The following DOCK9 variants were observed in gnomAD, a reference collection of about 807,000 sequenced individuals.
DOCK9 encodes dedicator of cytokinesis protein 9.
A neutral mutation model predicts 263.3 loss-of-function variants in DOCK9; 89 were observed. The observed-to-expected ratio is 0.34, with a 90% CI of 0.28 to 0.40. The LOEUF is 0.40. DOCK9 is among the 10% of genes least tolerant of loss of function. The pLI, the probability that DOCK9 is intolerant of heterozygous loss-of-function variation, is 1.00. For missense variants in DOCK9, 2,140 were observed against 2,603.4 expected, an observed-to-expected ratio of 0.82 and a Z score of 3.87; for synonymous variants, 976 against 973.1, an observed-to-expected ratio of 1.00 and a Z score of -0.06.
chr13:99,062,590 G>A (rs754793399), intron 1 of DOCK9, among the ~76,000 whole-genome samples: 1 of 152,154 alleles, frequency 6.6e-6, no homozygotes. Context: ...AAGAATGAGG[G>A]GCACTTGTCT....
At chr13:99,004,429 A>C (rs1472405163) in intron 1 of DOCK9, among the ~76,000 whole-genome samples, 1 of 152,224 alleles carries the variant, frequency 6.6e-6, no homozygotes, top group Non-Finnish European at 1.5e-5. Context: ...CCTGTTTCTT[A>C]AGCCTAGAAA....
chr13:98,965,275 C>T (rs1018162189), intron 1 of DOCK9, among the ~76,000 whole-genome samples: 1 of 152,152 alleles, frequency 6.6e-6, no homozygotes, highest in South Asian at 2.1e-4. Context: ...GTCCCTAACT[C>T]AGGACATTAC....
Position 99,047,835 on chromosome 13 carries a change from C to T in DOCK9, c.129+38388G>A, listed in dbSNP as rs2040507930. 2.0e-5 allele frequency among the ~76,000 whole-genome samples: 3 copies of T among 152,048 alleles called. No individual in the cohort carries two copies. In the South Asian group the frequency reaches 6.2e-4, roughly 32 times the overall value. On this transcript the variant is annotated intron_variant, in intron 1 of 32. Transcript: ENST00000427887. Reference sequence around the variant, plus strand: ...ACTGCGCCTGGCCCTAATCTTGAAGCATCAGCCTCAAGCAACCACCTTTCC... The same window carrying T: ...ACTGCGCCTGGCCCTAATCTTGAAGTATCAGCCTCAAGCAACCACCTTTCC...
At chr13:99,071,786 C>T (rs962553831) in intron 1 of DOCK9, among the ~76,000 whole-genome samples, 13 of 152,056 alleles carry the variant, frequency 8.5e-5, no homozygotes, top group Admixed American at 4.6e-4. Flanking sequence ...TTTCAGTGCC[C>T]GTATCTTAAA....
chr13:98,854,257 T>C (rs2093646201), intron 34 of DOCK9, among the ~76,000 whole-genome samples: 1 of 152,032 alleles, frequency 6.6e-6, no homozygotes, highest in South Asian at 2.1e-4. Context: ...CATCATGTGA[T>C]TGCAAACACA....
At chr13:98,983,530 G>A (rs1385160462) in intron 1 of DOCK9, among the ~76,000 whole-genome samples, 3 of 152,058 alleles carry the variant, frequency 2.0e-5, no homozygotes, top group Non-Finnish European at 2.9e-5. Flanking sequence ...ACAGTTTCTC[G>A]ACCACAACCC....
chr13:98,796,256 A>G, intron 52 of DOCK9: 1 of 1,541,244 alleles, frequency 6.5e-7, no homozygotes, highest in African/African-American at 1.4e-5. Flanking sequence ...AAGTGAGTTA[A>G]AGCTCACACA....
chr13:99,012,885 G>C (rs1394482216), intron 1 of DOCK9, among the ~76,000 whole-genome samples: 1 of 151,922 alleles, frequency 6.6e-6, no homozygotes, highest in Non-Finnish European at 1.5e-5. Context: ...TTACTGTTTG[G>C]GGAAACTAAA....
chr13:98,889,465 CAA>C (rs2046293966), intron 15 of DOCK9, among the ~76,000 whole-genome samples: 1 of 152,232 alleles, frequency 6.6e-6, no homozygotes, highest in Non-Finnish European at 1.5e-5. Context: ...GTGTCCAGCA[CAA>C]TGCTGGGTTC....
At chr13:99,001,469 T>C (rs1567192602) in intron 1 of DOCK9, among the ~76,000 whole-genome samples, 1 of 152,322 alleles carries the variant, frequency 6.6e-6, no homozygotes, top group Admixed American at 6.5e-5. Flanking sequence ...ATACAAGCCC[T>C]TTGTGGCTTT....
chr13:98,900,636 C>A (rs935546156), intron 13 of DOCK9, among the ~76,000 whole-genome samples: 2 of 152,216 alleles, frequency 1.3e-5, no homozygotes, highest in African/African-American at 4.8e-5. Context: ...CTGACTCATA[C>A]ATGATCTGTT....
chr13:99,011,921 A>C (rs1349618691), intron 1 of DOCK9, among the ~76,000 whole-genome samples: 3 of 152,184 alleles, frequency 2.0e-5, no homozygotes, highest in Non-Finnish European at 2.9e-5. Flanking sequence ...TCCAGGACTC[A>C]AGTGATCCTC....
chr13:99,035,404 T>G lies in DOCK9; in HGVS notation c.129+50819A>C, dbSNP rs182391020. 1.1e-3 allele frequency among the ~76,000 whole-genome samples: 162 copies of G among 152,320 alleles called. 4 individuals are homozygous for G. In the East Asian group the frequency reaches 0.03, roughly 28 times the overall value. ...CCCAGCCAAAAACTACATTTCTCAGTCTCTCTTGCACTGAAGTGTGTCTAC... is the reference window on the plus strand; with the variant it reads ...CCCAGCCAAAAACTACATTTCTCAGGCTCTCTTGCACTGAAGTGTGTCTAC... On this transcript the variant is annotated intron_variant, in intron 1 of 32. Coordinates refer to the DOCK9 transcript ENST00000427887.
chr13:98,846,165 A>G (rs770748422), intron 37 of DOCK9, 105 bp from the exon 38 acceptor site: 29 of 1,336,020 alleles, frequency 2.2e-5, no homozygotes, highest in African/African-American at 2.9e-5. Flanking sequence ...GGAGATGGCC[A>G]TGCACTGACT....
intron 1 of DOCK9, among the ~76,000 whole-genome samples, chr13:99,022,564 G>A (rs1886245138): frequency 1.3e-5 from 2 of 152,196 alleles, no homozygotes; most frequent in Admixed American, 1.3e-4. Flanking sequence ...GGGAGGGACG[G>A]TGGGGGTCTT....
rs1293155442 is a variant in DOCK9, at chr13:98,858,357, G to GA, written c.3697+2047dup. ...TCAGAGTAGTTTTTATCCAGGCAGTGAATCACTTTTAAAACTCTCAGGCAC... is the reference window on the plus strand; with the variant it reads ...TCAGAGTAGTTTTTATCCAGGCAGTGAAATCACTTTTAAAACTCTCAGGCAC... On this transcript the variant is annotated intron_variant, in intron 33 of 52. Transcript: ENST00000682017. 2.0e-5 allele frequency: 3 copies of GA among 152,282 alleles called. No individual in the cohort carries two copies. In the East Asian group the frequency reaches 5.8e-4, roughly 29 times the overall value. The allele number at this position is 152,282 out of a possible 1,614,324, so 9.4% of individuals were successfully genotyped here. A position where few individuals can be genotyped will look rare whatever the true frequency, so the allele number is the denominator to read the frequency against.
At chr13:98,994,300 G>C (rs533749663) in intron 1 of DOCK9, among the ~76,000 whole-genome samples, 103 of 152,296 alleles carry the variant, frequency 6.8e-4, no homozygotes, top group Non-Finnish European at 1.3e-3. Context: ...TTCCCCACTG[G>C]GGGTGATTTT....
At chr13:98,968,562 G>A (rs2059422108) in intron 1 of DOCK9, among the ~76,000 whole-genome samples, 1 of 152,210 alleles carries the variant, frequency 6.6e-6, no homozygotes, top group Admixed American at 6.5e-5. Context: ...GGGGGTTGCA[G>A]TGAGCCGAGA....
intron 10 of DOCK9, among the ~76,000 whole-genome samples, chr13:98,904,013 T>C (rs2048727513): frequency 6.6e-6 from 1 of 152,170 alleles, no homozygotes; most frequent in Non-Finnish European, 1.5e-5. Context: ...AGTTTCCGTG[T>C]GGGAAAATGA....
Sources: gnomAD v4.1 joint callset for allele counts (sites outside exome capture counted in the v4.1 genomes callset) on GRCh38, gnomAD v4.1.1 for gene constraint, MANE v1.5 for transcripts, NCBI Gene and HGNC (gene_info 2026-07-23, HGNC 2026-07-21) for gene names.